Variants in NINL observed in about 807,000 individuals in gnomAD.
The protein encoded by NINL is ninein-like protein.
NINL carries 153 observed loss-of-function variants against 160.3 expected under a neutral mutation model. The observed-to-expected ratio is 0.95, with a 90% CI of 0.84 to 1.09. NINL has a LOEUF of 1.09. NINL is among the 50% of genes least tolerant of loss of function. The pLI, the probability that NINL is intolerant of heterozygous loss-of-function variation, is 0.00. For synonymous variants in NINL, 800 were observed against 734.8 expected (o/e 1.09, Z -1.43); for missense variants, 1,829 against 1,764.0 (o/e 1.04, Z -0.66).
At position 25,479,150 on chromosome 20, in the gene NINL, CCT is replaced by C; in HGVS notation, c.1972_1973del (p.Arg658GlufsTer49). 6.2e-7 allele frequency: 1 copy of C among 1,612,658 alleles called. No individual in the cohort carries two copies. The highest frequency in any genetic ancestry group is 8.5e-7 in the Non-Finnish European group (1 of 1,179,570). On this transcript the variant is annotated frameshift_variant, in exon 16 of 24. Coordinates refer to ENST00000278886, the MANE Select transcript of NINL (RefSeq NM_025176.6). LOFTEE classifies it high-confidence loss of function. Reference protein sequence around the residue: ...AALKRNFEKERKDMEQARRRE... With the variant: ...AALKRNFEKEXKDMEQARRRE... Reference sequence around the variant, plus strand: ...GCCTGCGAGCCTGCTCCATGTCCTTCCTCTCCTTCTCAAAGTTCCTTTTCAGT... The same window carrying C: ...GCCTGCGAGCCTGCTCCATGTCCTTCCTCCTTCTCAAAGTTCCTTTTCAGT...
chr20:25,516,490 T>G (rs2064162508), intron 3 of NINL, among the ~76,000 whole-genome samples: 1 of 152,142 alleles, frequency 6.6e-6, no homozygotes, highest in Admixed American at 6.5e-5. Flanking sequence ...TTGAGACAAT[T>G]TTAAGCTTAG....
intron 17 of NINL, among the ~76,000 whole-genome samples, chr20:25,471,802 C>A (rs952538050): frequency 6.6e-6 from 1 of 152,154 alleles, no homozygotes; most frequent in African/African-American, 2.4e-5. Flanking sequence ...CACTTCTCTG[C>A]AAAAGCAATA....
intron 17 of NINL, among the ~76,000 whole-genome samples, 163 bp from the exon 18 acceptor site, chr20:25,470,258 T>A (rs141921720): frequency 6.6e-6 from 1 of 152,178 alleles, no homozygotes; most frequent in East Asian, 1.9e-4. Flanking sequence ...CACCAGGTGT[T>A]AACGTCTTAC....
intron 17 of NINL, among the ~76,000 whole-genome samples, chr20:25,475,202 C>G (rs1169804944): frequency 1.3e-5 from 2 of 151,310 alleles, no homozygotes; most frequent in African/African-American, 4.9e-5. Context: ...TGAGCCCAGA[C>G]AGCACCACTG....
rs761790832 is a variant in NINL, at chr20:25,476,571, G to A, written c.2720C>T (p.Ser907Leu). The A allele has an allele frequency of 6.3e-7, 1 of 1,599,386 alleles. No individual in the cohort carries two copies. The highest frequency in any genetic ancestry group is 8.5e-7 in the Non-Finnish European group (1 of 1,179,708). ...ATCCACTCCACAGGGCTGCATGCGT[G>A]ACCACCTCTCTGAGGGGCCGTGGGA... Reference protein sequence around the residue: ...PASHGPSERWSRMQPCGVDGD... With the variant: ...PASHGPSERWLRMQPCGVDGD... The change falls in exon 17 of 24, where the codon TCA becomes TTA. Residue 907 changes from serine (S) to leucine (L), a missense_variant. By Grantham distance (145) the Ser-to-Leu change is moderately radical. Coordinates refer to ENST00000278886, the MANE Select transcript of NINL (RefSeq NM_025176.6).
rs1216191671 is a variant in NINL at position 25,476,283 on chromosome 20, C to A, written c.3008G>T (p.Gly1003Val). 1.1e-5 allele frequency: 17 copies of A among 1,613,358 alleles called. No individual in the cohort carries two copies. Among genetic ancestry groups the A allele is most frequent in the Non-Finnish European group, 1.4e-5 (17 of 1,179,916 alleles). Reference sequence around the variant, plus strand: ...CTTGTGACACCCAGGCTCCAGGGCGCCCTCGGCCCGGGCCTGCTGCTCCGA... The same window carrying A: ...CTTGTGACACCCAGGCTCCAGGGCGACCTCGGCCCGGGCCTGCTGCTCCGA... ...QASEQQARAEGALEPGCHKHS... is the reference protein window; with the variant it reads ...QASEQQARAEVALEPGCHKHS... The change falls in exon 17 of 24, where the codon GGC becomes GTC. Residue 1003 changes from glycine (G) to valine (V), a missense_variant. By Grantham distance (109) the Gly-to-Val change is moderately radical. Transcript: ENST00000278886.
chr20:25,478,107 C>A (rs895163952), intron 16 of NINL, among the ~76,000 whole-genome samples: 1 of 152,082 alleles, frequency 6.6e-6, no homozygotes, highest in African/African-American at 2.4e-5. Context: ...TGCTACCATG[C>A]TCAGCTAATT....
At chr20:25,517,109 C>T (rs569088192) in intron 3 of NINL, among the ~76,000 whole-genome samples, 99 of 152,188 alleles carry the variant, frequency 6.5e-4, no homozygotes, top group Non-Finnish European at 9.9e-4. Flanking sequence ...TGGTCCCTTC[C>T]GCTTTCCCGT....
intron 21 of NINL, among the ~76,000 whole-genome samples, chr20:25,460,813 G>A (rs1391210447): frequency 1.3e-5 from 2 of 152,202 alleles, no homozygotes; most frequent in African/African-American, 4.8e-5. Flanking sequence ...TCACAGGCAG[G>A]TGGGGAGAGA....
At chr20:25,560,240 T>C (rs1334263343) in intron 1 of NINL, among the ~76,000 whole-genome samples, 10 of 152,212 alleles carry the variant, frequency 6.6e-5, no homozygotes, top group Admixed American at 1.3e-4. Flanking sequence ...TAAGCCACCA[T>C]GCCTGGCCTA....
intron 13 of NINL, 21 bp downstream of exon 13, chr20:25,489,223 G>A: frequency 6.2e-7 from 1 of 1,611,860 alleles, no homozygotes; most frequent in Non-Finnish European, 8.5e-7. Flanking sequence ...AGACTAAAAG[G>A]CAGACAGAGC....
chr20:25,491,668 C>T (rs748489018), intron 10 of NINL, 143 bp from the exon 11 acceptor site: 19 of 980,784 alleles, frequency 1.9e-5, no homozygotes, highest in Non-Finnish European at 2.6e-5. Flanking sequence ...CTGAGCTGCC[C>T]ATGCTGGGAG....
At position 25,470,047 on chromosome 20, in the gene NINL, A is replaced by G. The variant is rs1426162014; in HGVS notation, c.3297T>C (p.Asp1099=). ...CAAGCTCTTGCCGAACCCTTCCCAG[A>G]TCGTTTTTCAACAAAGTGTTTTCTT... ...LSEENTLLKN[D]LGRVRQELEA... is the part of the protein sequence containing the mutation. The change falls in exon 18 of 24, where the codon GAT becomes GAC. Residue 1099 remains aspartate (D), a synonymous_variant. Coordinates refer to ENST00000278886, the MANE Select transcript of NINL (RefSeq NM_025176.6). 1 of 1,614,154 alleles carries G rather than the reference A, an allele frequency of 6.2e-7. No individual in the cohort carries two copies. Among genetic ancestry groups the G allele is most frequent in the South Asian group, 1.1e-5 (1 of 91,086 alleles).
At chr20:25,516,504 C>A (rs995904837) in intron 3 of NINL, among the ~76,000 whole-genome samples, 2 of 152,148 alleles carry the variant, frequency 1.3e-5, no homozygotes, top group Non-Finnish European at 2.9e-5. Flanking sequence ...AGCTTAGATG[C>A]GCCCACCATG....
At chr20:25,529,467 G>A (rs944410660) in intron 1 of NINL, among the ~76,000 whole-genome samples, 1 of 151,910 alleles carries the variant, frequency 6.6e-6, no homozygotes, top group Non-Finnish European at 1.5e-5. Flanking sequence ...ATCTGCAAGG[G>A]CCTGCCCTAT....
intron 23 of NINL, among the ~76,000 whole-genome samples, chr20:25,454,792 T>C (rs959038204): frequency 3.9e-5 from 6 of 152,080 alleles, no homozygotes; most frequent in Non-Finnish European, 8.8e-5. Context: ...ACCTGCTGAG[T>C]TGGACTTCGA....
At chr20:25,477,551 G>A (rs776774678) in intron 16 of NINL, among the ~76,000 whole-genome samples, 1 of 152,256 alleles carries the variant, frequency 6.6e-6, no homozygotes, top group Non-Finnish European at 1.5e-5. Context: ...GGGACCTCTG[G>A]TGGCCCGCAG....
chr20:25,510,645 G>C (rs371645116), intron 5 of NINL, 29 bp downstream of exon 5: 3 of 1,604,204 alleles, frequency 1.9e-6, no homozygotes, highest in Non-Finnish European at 2.6e-6. Context: ...CAAAGGCAGA[G>C]AGCACTGAAT....
At chr20:25,467,190 G>A (rs943991632) in intron 19 of NINL, among the ~76,000 whole-genome samples, 199 bp downstream of exon 19, 14 of 152,238 alleles carry the variant, frequency 9.2e-5, no homozygotes, top group Admixed American at 3.3e-4. Context: ...TGGGACCACC[G>A]GCAGATTTGA....
Sources: gnomAD v4.1 joint callset for allele counts (sites outside exome capture counted in the v4.1 genomes callset) on GRCh38, gnomAD v4.1.1 for gene constraint, MANE v1.5 for transcripts, NCBI Gene and HGNC (gene_info 2026-07-23, HGNC 2026-07-21) for gene names.